Variants in FREM1 observed in about 807,000 individuals in gnomAD.
FREM1 encodes the protein FRAS1-related extracellular matrix protein 1.
Under a neutral mutation model 210.1 loss-of-function variants are expected in FREM1, and 220 were observed. The ratio of observed to expected loss-of-function variants is 1.05; its 90% CI spans 0.94 to 1.17. The LOEUF (loss-of-function observed/expected upper bound fraction) is 1.17, where lower values mean the gene tolerates loss of function less well. Among genes scored for constraint, FREM1 ranks in the 50% most tolerant of loss-of-function variants. The pLI, the probability that FREM1 is intolerant of heterozygous loss-of-function variation, is 0.00. For missense variants in FREM1, 3,454 were observed against 2,675.5 expected (o/e 1.29, Z -6.42); for synonymous variants, 1,189 against 980.2 (o/e 1.21, Z -3.98).
chr9:14,863,932 T>G, intron 2 of FREM1, 29 bp from the exon 3 acceptor site: 1 of 1,384,452 alleles, frequency 7.2e-7, no homozygotes, highest in Non-Finnish European at 1.0e-6. Flanking sequence ...TGGATAAATA[T>G]CTATGAGAAA....
chr9:14,808,681 G>A (rs10081674), intron 16 of FREM1, among the ~76,000 whole-genome samples: 49,033 of 152,070 alleles, frequency 0.32, 9,206 homozygotes, highest in Non-Finnish European at 0.41. Flanking sequence ...TAGCCAGGAT[G>A]TTTTTAAAAA....
chr9:14,873,272 G>A (rs1161379552), intron 1 of FREM1, among the ~76,000 whole-genome samples: 1 of 152,144 alleles, frequency 6.6e-6, no homozygotes, highest in African/African-American at 2.4e-5. Context: ...ACCTCTGGTA[G>A]AATTCGGCTG....
intron 1 of FREM1, among the ~76,000 whole-genome samples, chr9:14,886,281 G>A (rs1329264643): frequency 6.7e-6 from 1 of 149,554 alleles, no homozygotes; most frequent in Admixed American, 6.7e-5. Context: ...AGCTACTCGG[G>A]AGGCTGAGGC....
chr9:14,816,696 A>T (rs1389201272), intron 15 of FREM1, 82 bp downstream of exon 15: 10 of 658,034 alleles, frequency 1.5e-5, no homozygotes. Flanking sequence ...TTTTCATTAT[A>T]AATTACCCAG....
chr9:14,741,841 A>G (rs1401503861), intron 35 of FREM1, among the ~76,000 whole-genome samples: 1 of 152,208 alleles, frequency 6.6e-6, no homozygotes, highest in African/African-American at 2.4e-5. Flanking sequence ...ATTCAAGGAT[A>G]TTTAACATCT....
At chr9:14,794,727 C>T (rs144553578) in intron 21 of FREM1, among the ~76,000 whole-genome samples, 2,117 of 152,260 alleles carry the variant, frequency 0.014, 22 homozygotes, top group African/African-American at 0.031. Flanking sequence ...GGGCCGGGCG[C>T]AGTGCCTCAT....
chr9:14,890,889 G>C (rs1211941868), intron 1 of FREM1, among the ~76,000 whole-genome samples: 1 of 152,314 alleles, frequency 6.6e-6, no homozygotes. Flanking sequence ...GATTAGTTAG[G>C]AAATGGCCAT....
intron 24 of FREM1, chr9:14,779,514 G>A: frequency 2.0e-6 from 2 of 985,068 alleles, no homozygotes; most frequent in Non-Finnish European, 2.4e-6. Flanking sequence ...ATCTAATTCT[G>A]ACTTTCCTCC....
chr9:14,750,286 G>T lies in FREM1; in HGVS notation c.5408-10C>A. ...ATCTTAGTTGACATTCCTACAAGAA[G>T]TAAACATTTTAATTACTCTTTAATT... is the stretch of plus-strand genomic sequence containing the variant. On this transcript the variant is annotated splice_polypyrimidine_tract_variant and intron_variant, in intron 29 of 36. Coordinates refer to ENST00000380880, the MANE Select transcript of FREM1 (RefSeq NM_001379081.2). 1 of 1,597,300 alleles carries T rather than the reference G, an allele frequency of 6.3e-7. No individual in the cohort carries two copies. The highest frequency in any genetic ancestry group is 8.6e-7 in the Non-Finnish European group (1 of 1,168,316).
chr9:14,838,623 T>G (rs1210458820), intron 10 of FREM1, among the ~76,000 whole-genome samples: 1 of 152,162 alleles, frequency 6.6e-6, no homozygotes, highest in African/African-American at 2.4e-5. Flanking sequence ...TACCAAATGT[T>G]TGGGTCTTAT....
intron 16 of FREM1, among the ~76,000 whole-genome samples, chr9:14,808,421 C>G (rs1450511648): frequency 5.3e-5 from 8 of 152,156 alleles, no homozygotes; most frequent in Admixed American, 3.3e-4. Flanking sequence ...TATGAATGAG[C>G]AAGGGCACAA....
intron 1 of FREM1, among the ~76,000 whole-genome samples, chr9:14,877,635 G>C (rs992444507): frequency 3.9e-5 from 6 of 151,944 alleles, no homozygotes; most frequent in African/African-American, 1.5e-4. Flanking sequence ...TGGAACCAGG[G>C]GCTCTCCTGC....
chr9:14,864,561 A>T (rs959580987), intron 2 of FREM1, among the ~76,000 whole-genome samples: 1 of 152,218 alleles, frequency 6.6e-6, no homozygotes, highest in South Asian at 2.1e-4. Flanking sequence ...CCTCTATTCA[A>T]ATAAAATTAT....
At chr9:14,906,261 AGAACCCAGGT>A (rs1817679850) in intron 1 of FREM1, among the ~76,000 whole-genome samples, 1 of 152,254 alleles carries the variant, frequency 6.6e-6, no homozygotes, top group Admixed American at 6.5e-5. Flanking sequence ...GCCTATGATT[AGAACCCAGGT>A]GAAATTTTTT....
At chr9:14,818,426 T>C (rs1269827257) in intron 14 of FREM1, among the ~76,000 whole-genome samples, 1 of 152,226 alleles carries the variant, frequency 6.6e-6, no homozygotes, top group East Asian at 1.9e-4. Flanking sequence ...GTCAACTTTC[T>C]AGTCAAGTGC....
intron 10 of FREM1, among the ~76,000 whole-genome samples, chr9:14,827,644 G>A (rs754708893): frequency 6.6e-6 from 1 of 152,188 alleles, no homozygotes; most frequent in Non-Finnish European, 1.5e-5. Context: ...AGATTAGTAT[G>A]AATAGAAAGA....
chr9:14,769,891 A>G, intron 26 of FREM1, 23 bp from the exon 27 acceptor site: 1 of 1,164,020 alleles, frequency 8.6e-7, no homozygotes, highest in Non-Finnish European at 1.2e-6. Context: ...ATAAATGAAT[A>G]TCATGGGTAA....
At position 14,804,965 on chromosome 9, in the gene FREM1, C is replaced by G; in HGVS notation, c.3462G>C (p.Gln1154His). ...TNDEAPDFVV[Q>H]NITVCEGQMK... ...TGGATATGTTTCTTACAGTAATATT[C>G]TGCACTACAAAGTCAGGAGCTTCAT... The change falls in exon 19 of 37, where the codon CAG becomes CAC. Residue 1154 changes from glutamine to histidine, a missense_variant. By Grantham distance (24) the Gln-to-His change is conservative. Coordinates refer to ENST00000380880, the MANE Select transcript of FREM1 (RefSeq NM_001379081.2). 6.2e-7 allele frequency: 1 copy of G among 1,608,746 alleles called. No homozygotes were observed. Among genetic ancestry groups the G allele is most frequent in the Non-Finnish European group, 8.5e-7 (1 of 1,175,218 alleles).
intron 19 of FREM1, among the ~76,000 whole-genome samples, chr9:14,804,201 T>C (rs998710335): frequency 6.6e-6 from 1 of 152,046 alleles, no homozygotes; most frequent in Admixed American, 6.5e-5. Flanking sequence ...TAAAAAAAAA[T>C]TATGCGAAGC....
Sources: allele counts gnomAD v4.1 joint callset (sites outside exome capture counted in the v4.1 genomes callset), GRCh38; gene constraint gnomAD v4.1.1; transcripts MANE v1.5; gene names NCBI Gene and HGNC (gene_info 2026-07-23, HGNC 2026-07-21).